Variants in ROBO2 observed in about 807,000 individuals in gnomAD.
ROBO2 encodes roundabout homolog 2.
In ROBO2, 53 loss-of-function variants were observed where a neutral mutation model predicts 160.8. The ratio of observed to expected loss-of-function variants is 0.33; its 90% confidence interval spans 0.26 to 0.41. The LOEUF is 0.41. ROBO2 is among the 10% of genes least tolerant of loss of function. The pLI is 1.00. For missense variants in ROBO2, 1,577 were observed against 1,722.4 expected (o/e 0.92, Z 1.49); for synonymous variants, 664 against 611.7 (o/e 1.09, Z -1.26).
At chr3:76,191,026 C>T (rs1350346923) in intron 2 of ROBO2, among the ~76,000 whole-genome samples, 2 of 151,986 alleles carry the variant, frequency 1.3e-5, no homozygotes, top group Middle Eastern at 3.4e-3. Context: ...ACATTAAGAG[C>T]GATTAATAGT....
At chr3:77,255,502 T>G (rs1186885839) in intron 2 of ROBO2, among the ~76,000 whole-genome samples, 1 of 152,082 alleles carries the variant, frequency 6.6e-6, no homozygotes, top group Admixed American at 6.6e-5. Context: ...TGCTGAGAGG[T>G]AAAATAAAAG....
At chr3:76,493,115 G>T (rs547612247) in intron 2 of ROBO2, among the ~76,000 whole-genome samples, 62 of 151,822 alleles carry the variant, frequency 4.1e-4, no homozygotes, top group African/African-American at 1.5e-3. Context: ...TAGCGTTGTG[G>T]CTGTCTCAAT....
At chr3:76,996,164 A>C (rs1223102136) in intron 2 of ROBO2, among the ~76,000 whole-genome samples, 1 of 152,280 alleles carries the variant, frequency 6.6e-6, no homozygotes, top group Admixed American at 6.5e-5. Flanking sequence ...TCAGCTTTCT[A>C]CATATGGCTA....
chr3:76,446,067 T>G (rs4643718), intron 2 of ROBO2, among the ~76,000 whole-genome samples: 79,505 of 151,712 alleles, frequency 0.52, 21,303 homozygotes, highest in African/African-American at 0.62. Flanking sequence ...AAGAAATAAA[T>G]GGTATTCAAT....
intron 2 of ROBO2, among the ~76,000 whole-genome samples, chr3:77,358,002 G>A (rs1254423585): frequency 6.6e-6 from 1 of 152,046 alleles, no homozygotes; most frequent in African/African-American, 2.4e-5. Context: ...GGAAGATCCT[G>A]TTTAAAATGT....
At chr3:77,339,908 A>G (rs974941649) in intron 2 of ROBO2, among the ~76,000 whole-genome samples, 2 of 152,050 alleles carry the variant, frequency 1.3e-5, no homozygotes, top group African/African-American at 4.8e-5. Context: ...CCAGATAGCT[A>G]CTTTTTATTG....
chr3:76,997,169 T>C (rs1181380369), intron 2 of ROBO2, among the ~76,000 whole-genome samples: 1 of 152,184 alleles, frequency 6.6e-6, no homozygotes, highest in African/African-American at 2.4e-5. Context: ...GTTTTTGTTT[T>C]TAGTATGCAT....
intron 2 of ROBO2, among the ~76,000 whole-genome samples, chr3:76,922,052 C>CT (rs565588685): frequency 4.6e-4 from 70 of 152,230 alleles, no homozygotes; most frequent in African/African-American, 1.6e-3. Context: ...TGGTTCATGC[C>CT]TGTAATCCCA....
At chr3:76,214,498 G>A (rs992880568) in intron 2 of ROBO2, among the ~76,000 whole-genome samples, 2 of 152,174 alleles carry the variant, frequency 1.3e-5, no homozygotes, top group Non-Finnish European at 2.9e-5. Context: ...TTAACAAACA[G>A]CACACCAGGA....
At position 77,400,796 on chromosome 3, in the gene ROBO2, C is replaced by T. The variant is rs149756937; in HGVS notation, c.389-76618C>T. On this transcript the variant is annotated intron_variant, in intron 2 of 25. Transcript: ENST00000461745. ...GGTATTAAGATCTTCACTTCAGAGA[C>T]GAGGAAAACTGAGATAGAGCCTGGT... Among the ~76,000 whole-genome samples the T allele has an allele frequency of 3.3e-3, 499 of 151,708 alleles. 9 individuals carry two copies. The highest frequency in any genetic ancestry group is 0.025 in the Admixed American group (387 of 15,198).
chr3:77,396,518 T>G (rs564991169), intron 2 of ROBO2, among the ~76,000 whole-genome samples: 3 of 152,138 alleles, frequency 2.0e-5, no homozygotes, highest in Non-Finnish European at 4.4e-5. Flanking sequence ...TGAGGACAAT[T>G]ATGCAGAATC....
chr3:77,503,635 T>C (rs2087998812), intron 5 of ROBO2, among the ~76,000 whole-genome samples: 1 of 151,952 alleles, frequency 6.6e-6, no homozygotes, highest in African/African-American at 2.4e-5. Flanking sequence ...AGTATGATTT[T>C]TGCTAATTTC....
intron 2 of ROBO2, among the ~76,000 whole-genome samples, chr3:76,604,780 A>G (rs184193478): frequency 6.6e-6 from 1 of 152,306 alleles, no homozygotes; most frequent in East Asian, 1.9e-4. Flanking sequence ...GTTTGCAATT[A>G]GTACAGCAAT....
chr3:77,129,980 A>G (rs2075702865), intron 2 of ROBO2, among the ~76,000 whole-genome samples: 1 of 152,192 alleles, frequency 6.6e-6, no homozygotes, highest in Non-Finnish European at 1.5e-5. Flanking sequence ...CTTGTTGCAT[A>G]GAATAAGAGA....
At chr3:77,350,292 G>A (rs2068181377) in intron 2 of ROBO2, among the ~76,000 whole-genome samples, 1 of 151,902 alleles carries the variant, frequency 6.6e-6, no homozygotes, top group Non-Finnish European at 1.5e-5. Flanking sequence ...GGAGGTTGAG[G>A]CTGCAGTGAG....
intron 2 of ROBO2, among the ~76,000 whole-genome samples, chr3:76,941,451 C>A (rs2078180598): frequency 6.6e-6 from 1 of 152,072 alleles, no homozygotes; most frequent in South Asian, 2.1e-4. Context: ...ACCCTCTGAC[C>A]CTTGCCTTCC....
chr3:75,957,264 CACAT>C (rs1289878168), intron 2 of ROBO2, among the ~76,000 whole-genome samples: 1 of 139,934 alleles, frequency 7.1e-6, no homozygotes, highest in Non-Finnish European at 1.6e-5. Flanking sequence ...CACACACACA[CACAT>C]ACACACATTA....
intron 2 of ROBO2, among the ~76,000 whole-genome samples, chr3:76,421,517 A>G (rs2075995030): frequency 1.3e-5 from 2 of 152,096 alleles, no homozygotes; most frequent in South Asian, 4.1e-4. Context: ...GCCTGAGGTC[A>G]GGAGTGTGAC....
chr3:77,579,996 A>T (rs768236649), exon 16 of ROBO2: 1 of 1,613,768 alleles, frequency 6.2e-7, no homozygotes, highest in Non-Finnish European at 8.5e-7. Flanking sequence ...AAAACTGTGG[A>T]TGCAGCCATT....
Sources: gnomAD v4.1 joint callset for allele counts (sites outside exome capture counted in the v4.1 genomes callset) on GRCh38, gnomAD v4.1.1 for gene constraint, MANE v1.5 for transcripts, NCBI Gene and HGNC (gene_info 2026-07-23, HGNC 2026-07-21) for gene names.